PTCHD1: variants seen among roughly 807,000 people sequenced by gnomAD.
The protein encoded by PTCHD1 is patched domain-containing protein 1.
PTCHD1 carries 3 observed loss-of-function variants against 34.6 expected under a neutral mutation model. The observed-to-expected ratio is 0.09, with a 90% CI of 0.04 to 0.22. The LOEUF (loss-of-function observed/expected upper bound fraction) is 0.22, where lower values mean the gene tolerates loss of function less well. Ranked by LOEUF, PTCHD1 falls within the 10% of genes least tolerant of loss-of-function variation. PTCHD1 has a pLI of 1.00. For synonymous variants in PTCHD1, 305 were observed against 283.1 expected (o/e 1.08, Z -0.77); for missense variants, 504 against 685.5 (o/e 0.74, Z 2.96).
intron 1 of PTCHD1, among the ~76,000 whole-genome samples, chrX:23,344,695 C>G (rs1278563333): frequency 9.0e-6 from 1 of 111,631 alleles, no homozygotes; most frequent in Non-Finnish European, 1.9e-5. Flanking sequence ...AGCACACCAA[C>G]GTGGTTCCTC....
chrX:23,368,440 G>A (rs1483005122), intron 1 of PTCHD1, among the ~76,000 whole-genome samples: 5 of 111,830 alleles, frequency 4.5e-5, no homozygotes, highest in Non-Finnish European at 9.4e-5. Context: ...CAATGTCACC[G>A]GAGAAATATA....
chrX:23,394,409 GACACACAC>G lies in PTCHD1; in HGVS notation c.*259_*266del, dbSNP rs34539351. 7.6e-3 allele frequency: 1,520 copies of G among 199,412 alleles called. 20 individuals carry two copies. The highest frequency in any genetic ancestry group is 0.04 in the African/African-American group (1,089 of 27,270). 16.4% of individuals were successfully genotyped at this position (199,412 alleles called of 1,213,427 possible). A position where few individuals can be genotyped will look rare whatever the true frequency, so the allele number is the denominator to read the frequency against. On this transcript the variant is annotated 3_prime_UTR_variant, in exon 3 of 3. Transcript: ENST00000379361. ...TGTTATGAGAATTCACACACACATA[GACACACAC>G]ACACACACACACACACACACACACA...
Position 23,394,451 on chromosome X carries a change from C to CACACACA in PTCHD1, c.*266_*267insACACACA, listed in dbSNP as rs1491201668. 3.3e-4 allele frequency: 99 copies of CACACACA among 296,972 alleles called. No homozygotes were observed. The highest frequency in any genetic ancestry group is 9.6e-4 in the Middle Eastern group (1 of 1,042). The allele number at this position is 296,972 out of a possible 1,213,427, so 24.5% of individuals were successfully genotyped here. A position where few individuals can be genotyped will look rare whatever the true frequency, so the allele number is the denominator to read the frequency against. ...ACACACACACACACACACACACACA[C>CACACACA]CCTGGGAGACCTATAGTCTCTTAAA... is the stretch of plus-strand genomic sequence containing the variant. On this transcript the variant is annotated 3_prime_UTR_variant, in exon 3 of 3. Transcript: ENST00000379361.
chrX:23,378,796 T>G (rs1922478440), intron 1 of PTCHD1, among the ~76,000 whole-genome samples: 1 of 112,588 alleles, frequency 8.9e-6, no homozygotes, highest in South Asian at 3.7e-4. Flanking sequence ...GTTAAATTAG[T>G]GCGTGTATTC....
At chrX:23,351,909 A>C (rs887845226) in intron 1 of PTCHD1, among the ~76,000 whole-genome samples, 1 of 112,172 alleles carries the variant, frequency 8.9e-6, no homozygotes, top group Admixed American at 9.5e-5. Context: ...TTATTAAAGA[A>C]GGGGAGATGT....
At chrX:23,346,920 C>T (rs1313238656) in intron 1 of PTCHD1, among the ~76,000 whole-genome samples, 1 of 111,969 alleles carries the variant, frequency 8.9e-6, no homozygotes, top group Non-Finnish European at 1.9e-5. Context: ...ATTAATGTGT[C>T]CTTGATCAAG....
chrX:23,335,323 A>G (rs1470211039), intron 1 of PTCHD1, 97 bp downstream of exon 1: 6 of 701,974 alleles, frequency 8.5e-6, no homozygotes, highest in South Asian at 2.4e-5. Context: ...CACCTCTCCT[A>G]GCCCAGGCAG....
At chrX:23,373,581 C>A (rs766048950) in intron 1 of PTCHD1, among the ~76,000 whole-genome samples, 227 of 112,559 alleles carry the variant, frequency 2.0e-3, no homozygotes, top group African/African-American at 6.6e-3. Flanking sequence ...GGTAACAATC[C>A]CTAACTTGCG....
chrX:23,365,935 A>G (rs1228370067), intron 1 of PTCHD1, among the ~76,000 whole-genome samples: 1 of 112,108 alleles, frequency 8.9e-6, no homozygotes, highest in African/African-American at 3.2e-5. Flanking sequence ...ACATACAGAA[A>G]ATTGAAAAGC....
chrX:23,361,848 G>A (rs1259419578), intron 1 of PTCHD1, among the ~76,000 whole-genome samples: 1 of 111,699 alleles, frequency 9.0e-6, no homozygotes, highest in African/African-American at 3.3e-5. Context: ...AGGCCTGGGG[G>A]TAACAAAATC....
At chrX:23,387,251 A>C (rs5971114) in intron 2 of PTCHD1, among the ~76,000 whole-genome samples, 32,734 of 110,643 alleles carry the variant, frequency 0.3, 3,932 homozygotes, top group East Asian at 0.42. Flanking sequence ...ACTCTCAACT[A>C]TTTGTTAGTA....
intron 1 of PTCHD1, among the ~76,000 whole-genome samples, chrX:23,353,056 T>C (rs988894014): frequency 8.0e-5 from 9 of 112,303 alleles, no homozygotes; most frequent in African/African-American, 2.9e-4. Context: ...GAGATCATTT[T>C]ACAACTGTAT....
At chrX:23,361,147 T>G (rs1921971283) in intron 1 of PTCHD1, among the ~76,000 whole-genome samples, 1 of 111,878 alleles carries the variant, frequency 8.9e-6, no homozygotes, top group Admixed American at 9.5e-5. Flanking sequence ...TGGAGAGTTC[T>G]GTAGGTGTCT....
At chrX:23,348,605 G>A (rs7064366) in intron 1 of PTCHD1, among the ~76,000 whole-genome samples, 28,896 of 109,726 alleles carry the variant, frequency 0.26, 2,958 homozygotes, top group East Asian at 0.5. Context: ...CATTAGAGTT[G>A]TCAGAGAAAA....
intron 1 of PTCHD1, among the ~76,000 whole-genome samples, chrX:23,361,424 G>T (rs1921980329): frequency 9.0e-6 from 1 of 111,278 alleles, no homozygotes; most frequent in African/African-American, 3.3e-5. Flanking sequence ...TGTCTCTTTT[G>T]ATCTTTGTTG....
intron 1 of PTCHD1, among the ~76,000 whole-genome samples, chrX:23,354,561 C>G (rs1443299502): frequency 2.0e-5 from 2 of 99,945 alleles, no homozygotes; most frequent in African/African-American, 7.5e-5. Context: ...GGCTTGGGAA[C>G]AAGGTGAAAT....
At chrX:23,362,850 T>A (rs1012295297) in intron 1 of PTCHD1, among the ~76,000 whole-genome samples, 16 of 112,697 alleles carry the variant, frequency 1.4e-4, no homozygotes, top group African/African-American at 5.2e-4. Flanking sequence ...ATGTTATTCC[T>A]TTCTGTTTGT....
At chrX:23,380,310 A>G in intron 2 of PTCHD1, 59 bp downstream of exon 2, 1 of 1,075,181 alleles carries the variant, frequency 9.3e-7, no homozygotes, top group Non-Finnish European at 1.3e-6. Flanking sequence ...CTAGGTTCCT[A>G]AAAGGCCAGG....
intron 1 of PTCHD1, among the ~76,000 whole-genome samples, chrX:23,354,404 T>G (rs1352760195): frequency 9.8e-6 from 1 of 102,361 alleles, no homozygotes; most frequent in Non-Finnish European, 2.0e-5. Context: ...TTGTGCCATC[T>G]AAACATAACC....
Sources: allele counts gnomAD v4.1 joint callset (sites outside exome capture counted in the v4.1 genomes callset), GRCh38; gene constraint gnomAD v4.1.1; transcripts MANE v1.5; gene names NCBI Gene and HGNC (gene_info 2026-07-23, HGNC 2026-07-21).